The following ADAM32 variants were observed in gnomAD, a reference collection of about 807,000 sequenced individuals.
The protein encoded by ADAM32 is disintegrin and metalloproteinase domain-containing protein 32.
Under a neutral mutation model 114.9 loss-of-function variants are expected in ADAM32, and 89 were observed. That is an observed-to-expected ratio of 0.77 (90% confidence interval 0.65 to 0.92). The LOEUF is 0.92. ADAM32 is among the 40% of genes least tolerant of loss of function. The pLI, the probability that ADAM32 is intolerant of heterozygous loss-of-function variation, is 0.00. For synonymous variants in ADAM32, 285 were observed against 307.5 expected (o/e 0.93, Z 0.77); for missense variants, 870 against 932.8 (o/e 0.93, Z 0.88).
chr8:39,201,776 G>A (rs1210201208), intron 11 of ADAM32, among the ~76,000 whole-genome samples: 1 of 152,086 alleles, frequency 6.6e-6, no homozygotes, highest in Non-Finnish European at 1.5e-5. Context: ...GTCATAAATA[G>A]CTCTTATTAT....
At chr8:39,118,805 C>T (rs1166946848) in intron 2 of ADAM32, among the ~76,000 whole-genome samples, 1 of 152,144 alleles carries the variant, frequency 6.6e-6, no homozygotes, top group Non-Finnish European at 1.5e-5. Flanking sequence ...AAGGGTACAA[C>T]TCAACAATTA....
chr8:39,279,084 T>A (rs1159914763), intron 22 of ADAM32, among the ~76,000 whole-genome samples: 6 of 152,232 alleles, frequency 3.9e-5, no homozygotes, highest in Admixed American at 3.3e-4. Flanking sequence ...TTTATGATTA[T>A]ATGTTCTGAT....
chr8:39,138,290 A>G (rs1224843375), intron 3 of ADAM32, among the ~76,000 whole-genome samples: 2 of 152,094 alleles, frequency 1.3e-5, no homozygotes, highest in Non-Finnish European at 2.9e-5. Flanking sequence ...TGTCATTTAC[A>G]TTAGGTATTT....
At chr8:39,196,086 T>C (rs1372450113) in intron 11 of ADAM32, among the ~76,000 whole-genome samples, 1 of 152,194 alleles carries the variant, frequency 6.6e-6, no homozygotes, top group Non-Finnish European at 1.5e-5. Context: ...CTAGGTATTT[T>C]ATATTTTTCA....
At chr8:39,181,004 G>A (rs1805845389) in intron 10 of ADAM32, among the ~76,000 whole-genome samples, 1 of 152,128 alleles carries the variant, frequency 6.6e-6, no homozygotes, top group South Asian at 2.1e-4. Flanking sequence ...TCTAGCTCAG[G>A]GATTGTAAAC....
chr8:39,233,180 A>G (rs1488434620), intron 15 of ADAM32, among the ~76,000 whole-genome samples: 1 of 152,194 alleles, frequency 6.6e-6, no homozygotes, highest in Non-Finnish European at 1.5e-5. Context: ...TTATTAAGAA[A>G]GTAAAGGAAT....
At chr8:39,214,208 T>C (rs1808414882) in intron 12 of ADAM32, among the ~76,000 whole-genome samples, 1 of 151,978 alleles carries the variant, frequency 6.6e-6, no homozygotes, top group Non-Finnish European at 1.5e-5. Context: ...TACCTAGGAG[T>C]GGGATTGCTA....
intron 10 of ADAM32, among the ~76,000 whole-genome samples, chr8:39,186,538 G>A (rs1478460730): frequency 3.3e-5 from 5 of 152,164 alleles, no homozygotes; most frequent in East Asian, 3.9e-4. Context: ...GAGATTATAC[G>A]GATTATCCAA....
intron 7 of ADAM32, 150 bp downstream of exon 7, chr8:39,161,115 A>G (rs1804484266): frequency 5.8e-6 from 4 of 686,624 alleles, no homozygotes; most frequent in East Asian, 3.0e-5. Context: ...GAGAAACTAA[A>G]TAGTCAAAAT....
At position 39,137,770 on chromosome 8, in the gene ADAM32, C is replaced by CAA. The variant is rs34189859; in HGVS notation, c.200+1066_200+1067dup. On this transcript the variant is annotated intron_variant, in intron 3 of 24. Transcript: ENST00000379907. ...TGGGTGACAGAGTGAGACACTGTCT[C>CAA]AAAAAAAAAAAAAAAGGTGTAAACA... is the stretch of plus-strand genomic sequence containing the variant. 2.8e-3 allele frequency among the ~76,000 whole-genome samples: 376 copies of CAA among 136,664 alleles called. 1 individual carries two copies. Among genetic ancestry groups the CAA allele is most frequent in the South Asian group, 5.0e-3 (21 of 4,230 alleles). 89.7% of individuals were successfully genotyped at this position (136,664 alleles called of 152,430 possible). A position where few individuals can be genotyped will look rare whatever the true frequency, so the allele number is the denominator to read the frequency against.
chr8:39,142,803 A>C (rs952670664), intron 3 of ADAM32, among the ~76,000 whole-genome samples: 6 of 152,138 alleles, frequency 3.9e-5, no homozygotes, highest in Non-Finnish European at 8.8e-5. Context: ...AGTGTATTCT[A>C]TCTTGGTTCC....
At chr8:39,232,197 C>A in intron 15 of ADAM32, 62 bp downstream of exon 15, 1 of 1,364,926 alleles carries the variant, frequency 7.3e-7, no homozygotes, top group Non-Finnish European at 1.0e-6. Context: ...AAAAACTTTG[C>A]CCCCTTCTGT....
chr8:39,193,975 A>G (rs576760885), intron 11 of ADAM32, among the ~76,000 whole-genome samples: 9 of 152,152 alleles, frequency 5.9e-5, no homozygotes, highest in Non-Finnish European at 5.9e-5. Flanking sequence ...CTTTATTTGC[A>G]TGTGCCAACA....
intron 11 of ADAM32, among the ~76,000 whole-genome samples, chr8:39,200,323 G>A (rs552058466): frequency 1.3e-5 from 2 of 152,314 alleles, no homozygotes; most frequent in East Asian, 1.9e-4. Context: ...TCTAACTGGT[G>A]TGAGATGGTA....
intron 23 of ADAM32, 61 bp from the exon 24 acceptor site, chr8:39,283,525 A>G (rs1813574534): frequency 8.2e-6 from 11 of 1,341,284 alleles, no homozygotes; most frequent in Non-Finnish European, 1.1e-5. Context: ...AAATAAATAC[A>G]ACATAAGTTT....
chr8:39,149,039 T>A (rs1340181097), intron 4 of ADAM32, among the ~76,000 whole-genome samples: 1 of 152,162 alleles, frequency 6.6e-6, no homozygotes, highest in African/African-American at 2.4e-5. Context: ...TCTAAAGTTT[T>A]TAGGTATAGT....
intron 3 of ADAM32, among the ~76,000 whole-genome samples, chr8:39,138,982 T>C (rs1050464396): frequency 3.9e-5 from 6 of 152,294 alleles, no homozygotes; most frequent in African/African-American, 1.2e-4. Context: ...CTTTTGAGAA[T>C]TGTCTGTTCA....
intron 14 of ADAM32, 22 bp downstream of exon 14, chr8:39,223,260 T>G (rs1809110591): frequency 6.7e-7 from 1 of 1,490,106 alleles, no homozygotes; most frequent in African/African-American, 1.4e-5. Flanking sequence ...TTGTTACATC[T>G]CAATAGCCCT....
At chr8:39,158,976 A>G (rs1228469259) in intron 6 of ADAM32, among the ~76,000 whole-genome samples, 1 of 152,110 alleles carries the variant, frequency 6.6e-6, no homozygotes, top group East Asian at 1.9e-4. Flanking sequence ...AACATATTTT[A>G]AAACAATTAA....
Sources: gnomAD v4.1 joint callset for allele counts (sites outside exome capture counted in the v4.1 genomes callset) on GRCh38, gnomAD v4.1.1 for gene constraint, MANE v1.5 for transcripts, NCBI Gene and HGNC (gene_info 2026-07-23, HGNC 2026-07-21) for gene names.